Variants in FRMD6 observed in about 807,000 individuals in gnomAD.
FRMD6 encodes the protein FERM domain containing 6.
Under a neutral mutation model 73.2 loss-of-function variants are expected in FRMD6, and 37 were observed. That is an observed-to-expected ratio of 0.51 (90% CI 0.39 to 0.66). The LOEUF is 0.66. FRMD6 is among the 30% of genes least tolerant of loss of function. The pLI, the probability that FRMD6 is intolerant of heterozygous loss-of-function variation, is 0.00. For synonymous variants in FRMD6, 273 were observed against 282.2 expected (o/e 0.97, Z 0.33); for missense variants, 714 against 780.5 (o/e 0.91, Z 1.02).
the FRMD6 span, among the ~76,000 whole-genome samples, chr14:51,443,326 A>G: frequency 5.3e-5 from 8 of 152,162 alleles, no homozygotes; most frequent in Non-Finnish European, 1.5e-5. Context: ...AGATGTATAG[A>G]TTTCTCATTT....
At chr14:51,414,420 C>T in the FRMD6 span, among the ~76,000 whole-genome samples, 2 of 152,134 alleles carry the variant, frequency 1.3e-5, no homozygotes, top group Non-Finnish European at 1.5e-5. Context: ...AATCCTTTTC[C>T]CATTTCTTGT....
At chr14:51,584,705 C>G (rs17092952) in intron 2 of FRMD6, among the ~76,000 whole-genome samples, 3,047 of 151,974 alleles carry the variant, frequency 0.02, 81 homozygotes, top group African/African-American at 0.07. Flanking sequence ...GCTTTAATAT[C>G]CATTAGGCTC....
chr14:51,527,045 C>T (rs1251319387), intron 1 of FRMD6, among the ~76,000 whole-genome samples: 1 of 152,246 alleles, frequency 6.6e-6, no homozygotes, highest in Non-Finnish European at 1.5e-5. Context: ...TCAAATGTAA[C>T]CCCTGCCCAT....
chr14:51,453,789 G>A, the FRMD6 span, among the ~76,000 whole-genome samples: 1 of 152,168 alleles, frequency 6.6e-6, no homozygotes, highest in African/African-American at 2.4e-5. Context: ...ATTGCTTTTA[G>A]ACACAGTTAG....
the FRMD6 span, among the ~76,000 whole-genome samples, chr14:51,422,204 A>G: frequency 0.013 from 1,972 of 152,296 alleles, 42 homozygotes; most frequent in African/African-American, 0.045. Flanking sequence ...GTATTGACAT[A>G]GTTCCGGTTG....
At chr14:51,511,672 G>A (rs1409227907) in intron 1 of FRMD6, among the ~76,000 whole-genome samples, 2 of 152,086 alleles carry the variant, frequency 1.3e-5, no homozygotes, top group Admixed American at 1.3e-4. Context: ...AGTGGGAGTT[G>A]AATAATGAGA....
intron 2 of FRMD6, among the ~76,000 whole-genome samples, chr14:51,642,896 AGGG>A (rs1891874491): frequency 6.6e-6 from 1 of 152,202 alleles, no homozygotes; most frequent in Non-Finnish European, 1.5e-5. Flanking sequence ...TAAAAGAGCC[AGGG>A]GAGCAGGGGA....
At chr14:51,542,254 G>C (rs1157693184) in intron 1 of FRMD6, among the ~76,000 whole-genome samples, 1 of 152,002 alleles carries the variant, frequency 6.6e-6, no homozygotes, top group Non-Finnish European at 1.5e-5. Context: ...CACTCCAAAA[G>C]GAAATCCTAT....
intron 1 of FRMD6, among the ~76,000 whole-genome samples, chr14:51,534,848 G>C (rs1405505229): frequency 6.6e-6 from 1 of 152,250 alleles, no homozygotes; most frequent in East Asian, 1.9e-4. Context: ...GAGCCAGGCA[G>C]AGGAACCAGA....
At chr14:51,510,760 A>AGC (rs1884251452) in intron 1 of FRMD6, among the ~76,000 whole-genome samples, 1 of 152,104 alleles carries the variant, frequency 6.6e-6, no homozygotes, top group Non-Finnish European at 1.5e-5. Context: ...GGGGAATTAT[A>AGC]CCTCCAAGGC....
At chr14:51,724,665 A>G in intron 12 of FRMD6, among the ~76,000 whole-genome samples, 1 of 152,184 alleles carries the variant, frequency 6.6e-6, no homozygotes, top group East Asian at 1.9e-4. Context: ...AAGGGATAGA[A>G]CACAAGTCAT....
At chr14:51,598,309 A>C (rs1033773598) in intron 2 of FRMD6, among the ~76,000 whole-genome samples, 3 of 152,148 alleles carry the variant, frequency 2.0e-5, no homozygotes, top group African/African-American at 7.2e-5. Context: ...AAGCACCCCA[A>C]GTGTGATTGA....
chr14:51,601,955 A>G (rs1410125557), intron 2 of FRMD6, among the ~76,000 whole-genome samples: 1 of 152,230 alleles, frequency 6.6e-6, no homozygotes, highest in Admixed American at 6.5e-5. Context: ...TAGATAAGTC[A>G]TCTTAGCCTA....
upstream of FRMD6, among the ~76,000 whole-genome samples, chr14:51,487,856 G>A (rs1882808471): frequency 6.6e-6 from 1 of 152,142 alleles, no homozygotes; most frequent in Admixed American, 6.6e-5. Flanking sequence ...AAAAAGCAGT[G>A]GTGATAGGTA....
intron 2 of FRMD6, among the ~76,000 whole-genome samples, chr14:51,693,277 C>CAT (rs1175953923): frequency 2.6e-5 from 4 of 152,114 alleles, no homozygotes; most frequent in African/African-American, 9.7e-5. Flanking sequence ...ATTTCTGATG[C>CAT]ATATATAATA....
chr14:51,557,304 C>T (rs1887194605), intron 1 of FRMD6, among the ~76,000 whole-genome samples: 1 of 151,776 alleles, frequency 6.6e-6, no homozygotes, highest in South Asian at 2.1e-4. Flanking sequence ...GAATATTATT[C>T]AGCCTTTAAA....
intron 3 of FRMD6, among the ~76,000 whole-genome samples, chr14:51,699,198 A>G (rs943907905): frequency 5.3e-5 from 8 of 152,092 alleles, no homozygotes; most frequent in African/African-American, 1.9e-4. Flanking sequence ...GCTAAAGAGC[A>G]TGGAGCAGGG....
At chr14:51,439,431 C>T in the FRMD6 span, among the ~76,000 whole-genome samples, 4 of 152,026 alleles carry the variant, frequency 2.6e-5, no homozygotes, top group Non-Finnish European at 4.4e-5. Flanking sequence ...TCTATGCATG[C>T]AAGGCTCTTT....
chr14:51,643,086 A>T (rs539848285), intron 2 of FRMD6, among the ~76,000 whole-genome samples: 3 of 152,340 alleles, frequency 2.0e-5, no homozygotes, highest in South Asian at 2.1e-4. Flanking sequence ...TTAGAGTCAG[A>T]TTTCCTAGGT....
Sources: allele counts gnomAD v4.1 joint callset (sites outside exome capture counted in the v4.1 genomes callset), GRCh38; gene constraint gnomAD v4.1.1; transcripts MANE v1.5; gene names NCBI Gene and HGNC (gene_info 2026-07-23, HGNC 2026-07-21).